Variants in AGBL4 observed in about 807,000 individuals in gnomAD.
The protein encoded by AGBL4 is cytosolic carboxypeptidase 6.
In AGBL4, 58 loss-of-function variants were observed where a neutral mutation model predicts 66.4. The observed-to-expected ratio is 0.87, with a 90% CI of 0.71 to 1.09. The LOEUF is 1.09. AGBL4 is among the 50% of genes least tolerant of loss of function. The pLI is 0.00. For missense variants in AGBL4, 579 were observed against 631.0 expected (o/e 0.92, Z 0.88); for synonymous variants, 234 against 222.9 (o/e 1.05, Z -0.44).
intron 2 of AGBL4, among the ~76,000 whole-genome samples, chr1:49,712,852 T>C (rs568744691): frequency 2.0e-5 from 3 of 151,980 alleles, no homozygotes; most frequent in Non-Finnish European, 4.4e-5. Context: ...AGTTTTTTCA[T>C]CTTTAAAAGA....
intron 6 of AGBL4, among the ~76,000 whole-genome samples, chr1:48,846,403 A>AAGAC: frequency 6.6e-6 from 1 of 151,626 alleles, no homozygotes; most frequent in South Asian, 2.1e-4. Flanking sequence ...GAAAGAAAGA[A>AAGAC]AGAAAGAAAG....
intron 5 of AGBL4, among the ~76,000 whole-genome samples, chr1:48,884,535 C>CAGCTCCT (rs1198127862): frequency 6.6e-6 from 1 of 152,134 alleles, no homozygotes; most frequent in Non-Finnish European, 1.5e-5. Flanking sequence ...TTCCCTGAGC[C>CAGCTCCT]AGCTCCTATA....
At chr1:49,242,413 G>A (rs1481348519) in intron 4 of AGBL4, among the ~76,000 whole-genome samples, 2 of 152,050 alleles carry the variant, frequency 1.3e-5, no homozygotes, top group East Asian at 3.9e-4. Flanking sequence ...CCCCATGCAT[G>A]GAATGTGAGA....
intron 3 of AGBL4, among the ~76,000 whole-genome samples, chr1:49,574,730 G>A (rs1478270400): frequency 6.6e-6 from 1 of 152,034 alleles, no homozygotes; most frequent in African/African-American, 2.4e-5. Context: ...ACCATCAAAG[G>A]CAAGGTGGGC....
chr1:48,686,639 C>T (rs2148486523), intron 6 of AGBL4, among the ~76,000 whole-genome samples: 1 of 152,234 alleles, frequency 6.6e-6, no homozygotes, highest in South Asian at 2.1e-4. Context: ...CTCTTTCTAC[C>T]CAGCCAGGGC....
intron 1 of AGBL4, among the ~76,000 whole-genome samples, chr1:49,887,787 C>G (rs753223195): frequency 1.3e-5 from 2 of 151,940 alleles, no homozygotes; most frequent in African/African-American, 4.8e-5. Context: ...CATGGCGTAC[C>G]GAACAATTAG....
chr1:49,629,436 G>A (rs561529325), intron 3 of AGBL4, among the ~76,000 whole-genome samples: 64 of 152,218 alleles, frequency 4.2e-4, no homozygotes, highest in African/African-American at 1.3e-3. Context: ...TAGCTCTTAC[G>A]CCTTGGGCCA....
At position 48,588,895 on chromosome 1, in the gene AGBL4, T is replaced by C. The variant is rs1644871102; in HGVS notation, c.1105-1729A>G. 2.1e-5 allele frequency among the ~76,000 whole-genome samples: 3 copies of C among 146,152 alleles called. No homozygotes were observed. In the South Asian group the frequency reaches 6.7e-4, roughly 33 times the overall value. On this transcript the variant is annotated intron_variant, in intron 10 of 13. Transcript: ENST00000371839. ...GAGACAGCAATTGGACCAGGACAGA[T>C]GACCTTGACTCCCACCCTTAAGGAG...
chr1:49,038,438 G>C lies in AGBL4; in HGVS notation c.594+7146C>G, dbSNP rs539666783. 2.6e-5 allele frequency among the ~76,000 whole-genome samples: 4 copies of C among 152,022 alleles called. No individual in the cohort carries two copies. The South Asian group carries it at 8.3e-4, about 32-fold the overall frequency. On this transcript the variant is annotated intron_variant, in intron 5 of 13. Transcript: ENST00000371839. ...TACCTTTAACCTGCATAAACACAGG[G>C]TTGATTCCCTGGGAATTAAGGCTTA... is the stretch of plus-strand genomic sequence containing the variant.
At chr1:49,241,764 C>T (rs904409200) in intron 4 of AGBL4, among the ~76,000 whole-genome samples, 3 of 151,880 alleles carry the variant, frequency 2.0e-5, no homozygotes, top group Non-Finnish European at 4.4e-5. Flanking sequence ...GGGTGAATTA[C>T]AAGAAAGGAG....
At chr1:48,634,889 C>T (rs552183229) in intron 8 of AGBL4, among the ~76,000 whole-genome samples, 1 of 152,308 alleles carries the variant, frequency 6.6e-6, no homozygotes, top group Non-Finnish European at 1.5e-5. Context: ...TCCATAGACA[C>T]ATGACCCATA....
chr1:49,739,274 C>A (rs963177213), intron 2 of AGBL4, among the ~76,000 whole-genome samples: 1 of 152,106 alleles, frequency 6.6e-6, no homozygotes, highest in African/African-American at 2.4e-5. Context: ...GCCTCAGTAG[C>A]TGATTCGATC....
intron 6 of AGBL4, among the ~76,000 whole-genome samples, chr1:48,712,182 T>A (rs1354347042): frequency 6.6e-6 from 1 of 152,156 alleles, no homozygotes; most frequent in Non-Finnish European, 1.5e-5. Flanking sequence ...CAAGCTTTAG[T>A]GTGTGTGGGC....
At chr1:48,791,442 C>G (rs111493659) in intron 6 of AGBL4, among the ~76,000 whole-genome samples, 1 of 152,170 alleles carries the variant, frequency 6.6e-6, no homozygotes, top group Non-Finnish European at 1.5e-5. Flanking sequence ...TCCATTCCCC[C>G]ATCCCCATCA....
intron 3 of AGBL4, among the ~76,000 whole-genome samples, chr1:49,650,418 C>A (rs1361978852): frequency 6.6e-6 from 1 of 152,122 alleles, no homozygotes; most frequent in African/African-American, 2.4e-5. Flanking sequence ...ATGCCTCTGC[C>A]CTTGCAACCC....
chr1:49,240,733 T>C (rs1651163934), intron 4 of AGBL4, among the ~76,000 whole-genome samples: 1 of 151,920 alleles, frequency 6.6e-6, no homozygotes, highest in African/African-American at 2.4e-5. Context: ...ACCTGTAGAC[T>C]GATGACACCT....
intron 3 of AGBL4, among the ~76,000 whole-genome samples, chr1:49,429,855 T>A (rs1645747233): frequency 6.6e-6 from 1 of 151,636 alleles, no homozygotes; most frequent in African/African-American, 2.4e-5. Context: ...AATATATTTT[T>A]TTTTTTTTTT....
chr1:49,825,746 G>A (rs944263400), intron 2 of AGBL4, among the ~76,000 whole-genome samples: 1 of 152,128 alleles, frequency 6.6e-6, no homozygotes, highest in African/African-American at 2.4e-5. Context: ...CAGACCAACT[G>A]CAGAACTGGC....
chr1:48,918,867 T>C (rs1179961403), intron 5 of AGBL4, among the ~76,000 whole-genome samples: 1 of 152,196 alleles, frequency 6.6e-6, no homozygotes, highest in Non-Finnish European at 1.5e-5. Flanking sequence ...CCTCTCTGCA[T>C]CTCTCTTGAG....
Sources: allele counts gnomAD v4.1 joint callset (sites outside exome capture counted in the v4.1 genomes callset), GRCh38; gene constraint gnomAD v4.1.1; transcripts MANE v1.5; gene names NCBI Gene and HGNC (gene_info 2026-07-23, HGNC 2026-07-21).